Variants in MXD3 observed in about 807,000 individuals in gnomAD.
MXD3 encodes the protein MAX dimerization protein 3, also known as Max-associated protein 3.
MXD3 carries 20 observed loss-of-function variants against 27.5 expected under a neutral mutation model. The observed-to-expected ratio is 0.73, with a 90% confidence interval of 0.51 to 1.06. The LOEUF is 1.06. Ranked by LOEUF, MXD3 falls within the 50% of genes least tolerant of loss-of-function variation. The probability of loss-of-function intolerance (pLI) is 0.00; values close to 1 mark genes in which losing one functional copy is unlikely to be tolerated. For synonymous variants in MXD3, 150 were observed against 130.7 expected (o/e 1.15, Z -1.01); for missense variants, 298 against 291.3 (o/e 1.02, Z -0.17).
At position 177,307,277 on chromosome 5, in the gene MXD3, A is replaced by G. The variant is rs977879254; in HGVS notation, c.*311T>C. On this transcript the variant is annotated 3_prime_UTR_variant, in exon 6 of 6. Coordinates refer to ENST00000439742, the MANE Select transcript of MXD3 (RefSeq NM_031300.4). ...GAGGCAAAGGCAGGGGGCCTTGTCC[A>G]GGAAGGGAAGAGGCCCAAGAGGCTT... is the stretch of plus-strand genomic sequence containing the variant. The G allele has an allele frequency of 6.4e-7, 1 of 1,551,310 alleles. No individual in the cohort carries two copies. Among genetic ancestry groups the G allele is most frequent in the African/African-American group, 1.4e-5 (1 of 73,054 alleles).
intron 3 of MXD3, 24 bp from the exon 4 acceptor site, chr5:177,310,564 C>G: frequency 6.2e-7 from 1 of 1,610,852 alleles, no homozygotes; most frequent in Non-Finnish European, 8.5e-7. Flanking sequence ...GTCTGGAGGG[C>G]AGTGCCAGCC....
downstream of MXD3, chr5:177,306,687 G>A: frequency 1.4e-6 from 2 of 1,425,074 alleles, no homozygotes; most frequent in East Asian, 2.5e-5. Flanking sequence ...TACGTGGTGG[G>A]TTGTGGGGAT....
Position 177,307,643 on chromosome 5 carries a change from C to T in MXD3, c.566G>A (p.Gly189Asp). Residue 189 changes from glycine to aspartate, a missense_variant, in exon 6 of 6, where the codon GGC becomes GAC. Physicochemically the swap from Gly to Asp is moderately conservative, Grantham distance 94. Coordinates refer to ENST00000439742, the MANE Select transcript of MXD3 (RefSeq NM_031300.4). ...GCTGTGCTCCTGGCCGGCGACGAAGCCCCGCAGCAGCTCGGCCTCACCCCC... is the reference window on the plus strand; with the variant it reads ...GCTGTGCTCCTGGCCGGCGACGAAGTCCCGCAGCAGCTCGGCCTCACCCCC... ...VFGGEAELLRGFVAGQEHSYS... is the reference protein window; with the variant it reads ...VFGGEAELLRDFVAGQEHSYS... 6.2e-7 allele frequency: 1 copy of T among 1,613,444 alleles called. No individual in the cohort carries two copies. Among genetic ancestry groups the T allele is most frequent in the African/African-American group, 1.3e-5 (1 of 75,054 alleles).
At position 177,307,437 on chromosome 5, in the gene MXD3, G is replaced by T. The variant is rs776724387; in HGVS notation, c.*151C>A. The T allele has an allele frequency of 1.5e-5, 23 of 1,512,282 alleles. No individual in the cohort carries two copies. In the African/African-American group the frequency reaches 3.2e-4, roughly 21 times the overall value. 93.7% of individuals were successfully genotyped at this position (1,512,282 alleles called of 1,614,324 possible). On this transcript the variant is annotated 3_prime_UTR_variant, in exon 6 of 6. Transcript: ENST00000439742. ...GGCCTGCCTGGCAGCCAGCAGCAGG[G>T]TGTTTGGGGAGCACCTGTTCCCACA...
At chr5:177,309,716 C>T (rs1044464498) in intron 4 of MXD3, among the ~76,000 whole-genome samples, 3 of 152,252 alleles carry the variant, frequency 2.0e-5, no homozygotes, top group Non-Finnish European at 2.9e-5. Context: ...CTGAATCTGC[C>T]GCCCATCAGC....
chr5:177,311,537 C>G, intron 1 of MXD3, 53 bp from the exon 2 acceptor site: 1 of 1,350,790 alleles, frequency 7.4e-7, no homozygotes, highest in Non-Finnish European at 9.8e-7. Context: ...CTGGTCCCAG[C>G]GGCAGCCCCA....
chr5:177,307,788 T>C lies in MXD3; in HGVS notation c.498A>G (p.Ser166=). ...CAGCCTCGGGGCACTCACCTTGGTCTGAGTCTGAGCGCTCAGAGGAGAGGC... is the reference window on the plus strand; with the variant it reads ...CAGCCTCGGGGCACTCACCTTGGTCCGAGTCTGAGCGCTCAGAGGAGAGGC... ...SSGLSSERSD[S]DQEELEVDVE... Residue 166 remains serine (S), a synonymous_variant, in exon 5 of 6, where the codon TCA becomes TCG. Coordinates refer to ENST00000439742, the MANE Select transcript of MXD3 (RefSeq NM_031300.4). 2 of 1,613,174 alleles carry C rather than the reference T, an allele frequency of 1.2e-6. No homozygotes were observed. Among genetic ancestry groups the C allele is most frequent in the Non-Finnish European group, 1.7e-6 (2 of 1,179,790 alleles).
chr5:177,310,896 C>T, intron 2 of MXD3, 199 bp from the exon 3 acceptor site: 1 of 639,530 alleles, frequency 1.6e-6, no homozygotes, highest in Non-Finnish European at 2.7e-6. Flanking sequence ...AAATGCTTAA[C>T]AGAAGCCTGC....
chr5:177,311,358 C>G, intron 2 of MXD3, 21 bp downstream of exon 2: 1 of 1,427,088 alleles, frequency 7.0e-7, no homozygotes, highest in Non-Finnish European at 9.1e-7. Context: ...CCCCCACTCC[C>G]GCCGCCCCCG....
At chr5:177,309,031 G>A (rs150419883) in intron 4 of MXD3, among the ~76,000 whole-genome samples, 17 of 152,332 alleles carry the variant, frequency 1.1e-4, no homozygotes, top group South Asian at 2.1e-4. Flanking sequence ...AAGAGCTGCC[G>A]AGGCAAACAC....
Position 177,311,430 on chromosome 5 carries a change from T to C in MXD3, c.125A>G (p.His42Arg). ...LCPHRSPGPIHRRKKRPPQAP... is the reference protein window; with the variant it reads ...LCPHRSPGPIRRRKKRPPQAP... ...CTGGGGGGGTCGCTTCTTCCTCCTGTGGATGGGGCCTGGACTGCGATGCGG... is the reference window on the plus strand; with the variant it reads ...CTGGGGGGGTCGCTTCTTCCTCCTGCGGATGGGGCCTGGACTGCGATGCGG... Residue 42 changes from histidine to arginine, a missense_variant, in exon 2 of 6, where the codon CAC becomes CGC. Physicochemically the swap from His to Arg is conservative, Grantham distance 29. Coordinates refer to ENST00000439742, the MANE Select transcript of MXD3 (RefSeq NM_031300.4). 1 of 1,429,884 alleles carries C rather than the reference T, an allele frequency of 7.0e-7. No individual in the cohort carries two copies. The highest frequency in any genetic ancestry group is 9.1e-7 in the Non-Finnish European group (1 of 1,096,750). The allele number at this position is 1,429,884 out of a possible 1,614,324, so 88.6% of individuals were successfully genotyped here.
chr5:177,310,914 G>C lies in MXD3; in HGVS notation c.177-217C>G. ...TGCTTAACAGAAGCCTGCCCAGGTG[G>C]GTATGAGGGCCCTAACAAGGGCGCC... On this transcript the variant is annotated intron_variant, in intron 2 of 5. Coordinates refer to ENST00000439742, the MANE Select transcript of MXD3 (RefSeq NM_031300.4). 2.1e-5 allele frequency: 13 copies of C among 613,694 alleles called. No homozygotes were observed. The South Asian group carries it at 2.6e-4, about 12-fold the overall frequency. The allele number at this position is 613,694 out of a possible 1,614,324, so 38.0% of individuals were successfully genotyped here.
rs1340130349 is a variant in MXD3 at position 177,311,454 on chromosome 5, G to A, written c.101C>T (p.Pro34Leu). 2.8e-6 allele frequency: 4 copies of A among 1,433,568 alleles called. No individual in the cohort carries two copies. The highest frequency in any genetic ancestry group is 2.8e-5 in the East Asian group (1 of 35,248). 88.8% of individuals were successfully genotyped at this position (1,433,568 alleles called of 1,614,324 possible). ...GTGGATGGGGCCTGGACTGCGATGC[G>A]GGCACAGGGACGCATAACCATGCTC... ...EAEHGYASLC[P>L]HRSPGPIHRR... Residue 34 changes from proline to leucine, a missense_variant, in exon 2 of 6, where the codon CCG becomes CTG. Physicochemically the swap from Pro to Leu is moderately conservative, Grantham distance 98. Transcript: ENST00000439742.
intron 2 of MXD3, 154 bp from the exon 3 acceptor site, chr5:177,310,851 T>C: frequency 2.4e-6 from 2 of 836,144 alleles, no homozygotes; most frequent in Middle Eastern, 6.0e-4. Context: ...CAGAGTCCCC[T>C]GGCAGGGCGA....
Position 177,307,392 on chromosome 5 carries a change from C to T in MXD3, c.*196G>A, listed in dbSNP as rs1256658490. The stretch of plus-strand genomic sequence containing the variant: ...GGGTCCAGGGAGGTCCTGATGAGTC[C>T]TGCCCCTTCCCTTCCAGAGGGCCTG... On this transcript the variant is annotated 3_prime_UTR_variant, in exon 6 of 6. Coordinates refer to ENST00000439742, the MANE Select transcript of MXD3 (RefSeq NM_031300.4). The T allele has an allele frequency of 2.0e-6, 3 of 1,492,242 alleles. No individual in the cohort carries two copies. In the South Asian group the frequency reaches 3.6e-5, roughly 18 times the overall value. 92.4% of individuals were successfully genotyped at this position (1,492,242 alleles called of 1,614,324 possible). A position where few individuals can be genotyped will look rare whatever the true frequency, so the allele number is the denominator to read the frequency against.
chr5:177,311,647 C>A lies in MXD3; in HGVS notation c.70+114G>T. ...GACTCCTCTCGAGTTGAGGGCGAGG[C>A]GCCCCGGGATTACTGTCCTAGGGCG... On this transcript the variant is annotated intron_variant, in intron 1 of 5. Transcript: ENST00000439742. 4 of 1,227,742 alleles carry A rather than the reference C, an allele frequency of 3.3e-6. No homozygotes were observed. The South Asian group carries it at 6.3e-5, about 19-fold the overall frequency. 76.1% of individuals were successfully genotyped at this position (1,227,742 alleles called of 1,614,324 possible). A position where few individuals can be genotyped will look rare whatever the true frequency, so the allele number is the denominator to read the frequency against.
chr5:177,308,290 C>T (rs559821797), intron 4 of MXD3, among the ~76,000 whole-genome samples: 1 of 152,132 alleles, frequency 6.6e-6, no homozygotes, highest in South Asian at 2.1e-4. Flanking sequence ...TGCACTGCTG[C>T]GTGTACACTC....
chr5:177,311,311 C>T (rs892039140), intron 2 of MXD3, 68 bp downstream of exon 2: 7 of 1,090,934 alleles, frequency 6.4e-6, no homozygotes, highest in Middle Eastern at 3.1e-4. Context: ...AACAAGTGGG[C>T]AGAGGAGGGC....
At chr5:177,312,538 G>A (rs1439316776), upstream of MXD3, 2 of 985,474 alleles carry the variant, frequency 2.0e-6, no homozygotes, top group African/African-American at 1.7e-5. Flanking sequence ...GCGGAGGGGC[G>A]GCGGACCCGG....
Sources: gnomAD v4.1 joint callset for allele counts (sites outside exome capture counted in the v4.1 genomes callset) on GRCh38, gnomAD v4.1.1 for gene constraint, MANE v1.5 for transcripts, NCBI Gene and HGNC (gene_info 2026-07-23, HGNC 2026-07-21) for gene names.